The following TPO variants were observed in gnomAD, a reference collection of about 807,000 sequenced individuals.
TPO encodes thyroid microsomal antigen.
TPO carries 78 observed loss-of-function variants against 96.9 expected under a neutral mutation model. The ratio of observed to expected loss-of-function variants is 0.81; its 90% CI spans 0.67 to 0.97. TPO has a LOEUF of 0.97. Ranked by LOEUF, TPO falls within the 50% of genes least tolerant of loss-of-function variation. TPO has a pLI of 0.00. For synonymous variants in TPO, 547 were observed against 538.0 expected, an observed-to-expected ratio of 1.02 and a Z score of -0.23; for missense variants, 1,252 against 1,274.8, an observed-to-expected ratio of 0.98 and a Z score of 0.27.
intron 8 of TPO, among the ~76,000 whole-genome samples, chr2:1,479,130 A>T (rs915593222): frequency 2.6e-5 from 4 of 152,236 alleles, no homozygotes; most frequent in African/African-American, 4.8e-5. Flanking sequence ...ATATAAACCC[A>T]GGAGCTGCTG....
intron 13 of TPO, among the ~76,000 whole-genome samples, chr2:1,502,887 G>C (rs181703323): frequency 4.7e-4 from 71 of 152,294 alleles, no homozygotes; most frequent in African/African-American, 1.7e-3. Context: ...AGCCTCCCCC[G>C]GGGTTAGGAG....
chr2:1,465,453 G>A (rs1454811017), intron 7 of TPO, among the ~76,000 whole-genome samples: 1 of 152,110 alleles, frequency 6.6e-6, no homozygotes, highest in Non-Finnish European at 1.5e-5. Flanking sequence ...GTGGTATTTT[G>A]ATGGGAATTG....
At chr2:1,393,832 G>A (rs189892688) in intron 1 of TPO, among the ~76,000 whole-genome samples, 160 of 152,298 alleles carry the variant, frequency 1.1e-3, no homozygotes, top group African/African-American at 3.5e-3. Context: ...AAATCATGGT[G>A]ACATTTCTAA....
At chr2:1,475,527 C>A (rs1469710309) in intron 7 of TPO, among the ~76,000 whole-genome samples, 1 of 152,086 alleles carries the variant, frequency 6.6e-6, no homozygotes, top group African/African-American at 2.4e-5. Context: ...AGGTTCACGC[C>A]ATTCTCCTGC....
At chr2:1,514,797 A>G (rs981215636) in intron 14 of TPO, among the ~76,000 whole-genome samples, 1 of 152,212 alleles carries the variant, frequency 6.6e-6, no homozygotes, top group Non-Finnish European at 1.5e-5. Context: ...AGAATAAAGG[A>G]AAGTTTCTGC....
chr2:1,489,643 A>G (rs1351643578), intron 10 of TPO, among the ~76,000 whole-genome samples: 4 of 114,416 alleles, frequency 3.5e-5, no homozygotes, highest in African/African-American at 1.3e-4. Flanking sequence ...CACTTAGGGA[A>G]CCCTCACTGA....
rs370416438 is a variant in TPO, at chr2:1,380,193, G to C, written n.180+5791G>C. Reference sequence around the variant, plus strand: ...GCGGATCATGAGGTCAGGAGATCAAGACCATCCTGGCTAATACGGTGAAAC... The same window carrying C: ...GCGGATCATGAGGTCAGGAGATCAACACCATCCTGGCTAATACGGTGAAAC... On this transcript the variant is annotated intron_variant and non_coding_transcript_variant, in intron 1 of 5. Transcript: ENST00000497517. Among the ~76,000 whole-genome samples the C allele has an allele frequency of 6.2e-4, 95 of 152,242 alleles. 1 individual carries two copies. In the East Asian group the frequency reaches 0.017, roughly 28 times the overall value.
intron 15 of TPO, among the ~76,000 whole-genome samples, chr2:1,531,081 C>T (rs1678053402): frequency 1.4e-5 from 1 of 73,380 alleles, no homozygotes; most frequent in Admixed American, 1.5e-4. Flanking sequence ...TCCTCAAATC[C>T]CCCCACTGTG....
At chr2:1,532,854 A>T (rs1573619096) in intron 15 of TPO, among the ~76,000 whole-genome samples, 1 of 49,318 alleles carries the variant, frequency 2.0e-5, no homozygotes, top group Admixed American at 2.9e-4. Flanking sequence ...AATCCCCCCC[A>T]CTCTGCGCAA....
At chr2:1,516,118 A>C (rs1294583239) in intron 14 of TPO, among the ~76,000 whole-genome samples, 3 of 152,070 alleles carry the variant, frequency 2.0e-5, no homozygotes. Context: ...AGGAGCCGTT[A>C]CTCAGTCCCC....
intron 13 of TPO, among the ~76,000 whole-genome samples, chr2:1,498,889 A>G (rs1672609591): frequency 6.6e-6 from 1 of 152,040 alleles, no homozygotes; most frequent in Non-Finnish European, 1.5e-5. Context: ...CGGCCACTTC[A>G]CTCACGATTC....
chr2:1,412,635 T>C (rs191174198), upstream of TPO, among the ~76,000 whole-genome samples: 390 of 152,252 alleles, frequency 2.6e-3, 8 homozygotes, highest in Middle Eastern at 3.4e-3. Context: ...TCAAATTACC[T>C]AGAGGAAGCA....
chr2:1,480,618 G>A, intron 8 of TPO, among the ~76,000 whole-genome samples: 1 of 103,708 alleles, frequency 9.6e-6, no homozygotes, highest in Admixed American at 1.2e-4. Flanking sequence ...GCCAGCCAGG[G>A]CCAGGCTAAT....
intron 14 of TPO, among the ~76,000 whole-genome samples, chr2:1,508,371 C>G (rs1273764031): frequency 6.6e-6 from 1 of 152,154 alleles, no homozygotes; most frequent in Non-Finnish European, 1.5e-5. Context: ...CTCTGCCCGG[C>G]TTTGGTATCA....
In TPO at chr2:1,487,876, G is replaced by T; in HGVS notation, c.1653G>T (p.Val551=). The part of the protein sequence containing the change: ...GLLARPAKLQ[V]QDQLMNEELT... ...TTGCAAGACCAGCCAAACTGCAGGT[G>T]CAGGATCAGCTGATGAACGAGGAGC... Residue 551 remains valine, a synonymous_variant, in exon 10 of 17, where the codon GTG becomes GTT. Transcript: ENST00000329066. 1.9e-6 allele frequency: 3 copies of T among 1,614,244 alleles called. No individual in the cohort carries two copies. In the South Asian group the frequency reaches 3.3e-5, roughly 18 times the overall value.
chr2:1,433,967 G>T (rs1276419543), intron 4 of TPO, among the ~76,000 whole-genome samples: 3 of 152,094 alleles, frequency 2.0e-5, no homozygotes, highest in African/African-American at 4.8e-5. Flanking sequence ...ACAGTGAAAG[G>T]ACTTCATGTG....
intron 1 of TPO, among the ~76,000 whole-genome samples, chr2:1,389,868 C>T (rs1661970045): frequency 1.3e-5 from 2 of 152,288 alleles, no homozygotes; most frequent in African/African-American, 4.8e-5. Context: ...CAGTGATGAG[C>T]AACCAGGACA....
At chr2:1,526,523 A>G (rs1373187750) in intron 15 of TPO, among the ~76,000 whole-genome samples, 3 of 111,444 alleles carry the variant, frequency 2.7e-5, no homozygotes, top group African/African-American at 1.1e-4. Context: ...AAATCCTCCC[A>G]GTGTTCGCAA....
At chr2:1,509,048 C>T (rs1673786700) in intron 14 of TPO, among the ~76,000 whole-genome samples, 1 of 152,326 alleles carries the variant, frequency 6.6e-6, no homozygotes, top group South Asian at 2.1e-4. Flanking sequence ...CCTCTACACA[C>T]TGCTTTGAAT....
Sources: gnomAD v4.1 joint callset for allele counts (sites outside exome capture counted in the v4.1 genomes callset) on GRCh38, gnomAD v4.1.1 for gene constraint, MANE v1.5 for transcripts, NCBI Gene and HGNC (gene_info 2026-07-23, HGNC 2026-07-21) for gene names.